NUDT5: variants seen among roughly 807,000 people sequenced by gnomAD.
NUDT5 encodes the protein nudix hydrolase 5, also known as ADP-sugar pyrophosphatase.
In NUDT5, 21 loss-of-function variants were observed where a neutral mutation model predicts 34.1. The ratio of observed to expected loss-of-function variants is 0.62; its 90% CI spans 0.44 to 0.89. NUDT5 has a LOEUF of 0.89. Ranked by LOEUF, NUDT5 falls within the 40% of genes least tolerant of loss-of-function variation. The pLI, the probability that NUDT5 is intolerant of heterozygous loss-of-function variation, is 0.00. For missense variants in NUDT5, 249 were observed against 274.8 expected (o/e 0.91, Z 0.66); for synonymous variants, 85 against 97.6 (o/e 0.87, Z 0.76).
At position 12,178,670 on chromosome 10, in the gene NUDT5, A is replaced by G. The variant is rs190806703; in HGVS notation, c.181+413T>C. On this transcript the variant is annotated intron_variant, in intron 4 of 9. Coordinates refer to ENST00000491614, the MANE Select transcript of NUDT5 (RefSeq NM_014142.4). ...GGGTGAATGGAATAGGCTTTGCCCA[A>G]TTAATTCCGTGTCCTCATCAACCTG... Among the ~76,000 whole-genome samples the G allele has an allele frequency of 1.2e-3, 184 of 152,332 alleles. 1 individual carries two copies. The highest frequency in any genetic ancestry group is 4.0e-3 in the African/African-American group (166 of 41,586).
chr10:12,178,042 T>C (rs1243580222), intron 4 of NUDT5, 142 bp from the exon 5 acceptor site: 1 of 587,052 alleles, frequency 1.7e-6, no homozygotes, highest in Non-Finnish European at 3.0e-6. Context: ...TATTGGAAGC[T>C]ATTTTAAAAA....
chr10:12,193,680 T>C (rs982301473), intron 1 of NUDT5, among the ~76,000 whole-genome samples: 2 of 152,216 alleles, frequency 1.3e-5, no homozygotes. Flanking sequence ...TGTAACAAGT[T>C]ACTTAAAACC....
chr10:12,168,658 G>A lies in NUDT5; in HGVS notation c.551-847C>T, dbSNP rs4750180. Among the ~76,000 whole-genome samples, 53,261 of 152,056 alleles carry A rather than the reference G, an allele frequency of 0.35. 9,774 individuals are homozygous for A. The highest frequency in any genetic ancestry group is 0.42 in the East Asian group (2,171 of 5,176). On this transcript the variant is annotated intron_variant, in intron 9 of 9. Coordinates refer to ENST00000491614, the MANE Select transcript of NUDT5 (RefSeq NM_014142.4). The surrounding 1 kb of genome is among the most constrained non-coding windows in gnomAD (Gnocchi z 4.8). ...TTCCTAGCCGCTTGTTTGGGAACAAGCCTGGGGACATTTGCAGGCAGGAAG... is the reference window on the plus strand; with the variant it reads ...TTCCTAGCCGCTTGTTTGGGAACAAACCTGGGGACATTTGCAGGCAGGAAG...
In NUDT5 at chr10:12,167,089, T is replaced by G. The variant is rs1834717909; in HGVS notation, c.*613A>C. 6.0e-6 allele frequency: 1 copy of G among 165,682 alleles called. No individual in the cohort carries two copies. Among genetic ancestry groups the G allele is most frequent in the Non-Finnish European group, 1.3e-5 (1 of 75,912 alleles). The allele number at this position is 165,682 out of a possible 1,614,324, so 10.3% of individuals were successfully genotyped here. ...TTTCATTAGTCTCCTAGCCTTGGTG[T>G]AGTGAATGGAGTCAACCGTTTTCCT... On this transcript the variant is annotated 3_prime_UTR_variant, in exon 10 of 10. Transcript: ENST00000491614.
intron 1 of NUDT5, among the ~76,000 whole-genome samples, chr10:12,190,585 C>A (rs1171191615): frequency 1.3e-5 from 2 of 149,256 alleles, no homozygotes; most frequent in Non-Finnish European, 3.0e-5. Context: ...CCTTGGGAGG[C>A]AGTGAGGAAA....
intron 1 of NUDT5, among the ~76,000 whole-genome samples, chr10:12,194,619 C>A (rs2131723166): frequency 6.6e-6 from 1 of 152,282 alleles, no homozygotes; most frequent in Middle Eastern, 3.4e-3. Flanking sequence ...TTGAGAAAAA[C>A]AAAACACAAC....
In NUDT5 at chr10:12,170,634, T is replaced by C; in HGVS notation, c.550+83A>G. The C allele has an allele frequency of 8.1e-7, 1 of 1,242,172 alleles. No homozygotes were observed. Among genetic ancestry groups the C allele is most frequent in the Non-Finnish European group, 1.2e-6 (1 of 845,168 alleles). 76.9% of individuals were successfully genotyped at this position (1,242,172 alleles called of 1,614,324 possible). ...TAGTGATACAAAAAAGATAAAGAAA[T>C]GGAGTTATATTTAGTACCCAGTTTG... On this transcript the variant is annotated intron_variant, in intron 9 of 9. Coordinates refer to ENST00000491614, the MANE Select transcript of NUDT5 (RefSeq NM_014142.4). The surrounding 1 kb of genome is among the most constrained non-coding windows in gnomAD (Gnocchi z 4.9).
intron 1 of NUDT5, among the ~76,000 whole-genome samples, chr10:12,191,558 T>A (rs911524860): frequency 6.6e-6 from 1 of 152,150 alleles, no homozygotes; most frequent in African/African-American, 2.4e-5. Flanking sequence ...CAAAGCTAAC[T>A]GGCATGGCAC....
chr10:12,167,627 T>G lies in NUDT5; in HGVS notation c.*75A>C, dbSNP rs373208986. On this transcript the variant is annotated 3_prime_UTR_variant, in exon 10 of 10. Coordinates refer to ENST00000491614, the MANE Select transcript of NUDT5 (RefSeq NM_014142.4). ...AGCTAATGGCAAATCTACATTAAACTAAGTTGAATACAAAGTCTTAGTGAA... is the reference window on the plus strand; with the variant it reads ...AGCTAATGGCAAATCTACATTAAACGAAGTTGAATACAAAGTCTTAGTGAA... 1 of 1,397,018 alleles carries G rather than the reference T, an allele frequency of 7.2e-7. No homozygotes were observed. The highest frequency in any genetic ancestry group is 1.4e-5 in the African/African-American group (1 of 70,004). 86.5% of individuals were successfully genotyped at this position (1,397,018 alleles called of 1,614,324 possible). A position where few individuals can be genotyped will look rare whatever the true frequency, so the allele number is the denominator to read the frequency against.
At chr10:12,183,044 CAT>C (rs531794987) in intron 3 of NUDT5, among the ~76,000 whole-genome samples, 146 of 152,286 alleles carry the variant, frequency 9.6e-4, no homozygotes, top group African/African-American at 3.5e-3. Context: ...GCCTCAAACA[CAT>C]GTTTAGACTC....
In NUDT5 at chr10:12,173,555, C is replaced by T. The variant is rs956237011; in HGVS notation, c.385+163G>A. ...CCCCCAACTTCAGGCCCTTCTGGCT[C>T]CAGTTTCCTCCTGGGAGGGGAGATT... On this transcript the variant is annotated intron_variant, in intron 6 of 9. Coordinates refer to ENST00000491614, the MANE Select transcript of NUDT5 (RefSeq NM_014142.4). The surrounding 1 kb of genome is among the most constrained non-coding windows in gnomAD (Gnocchi z 4.7). 1.3e-5 allele frequency among the ~76,000 whole-genome samples: 2 copies of T among 152,176 alleles called. No homozygotes were observed. The highest frequency in any genetic ancestry group is 2.4e-5 in the African/African-American group (1 of 41,450).
rs1234527318 is a variant in NUDT5, at chr10:12,167,767, A to C, written c.595T>G (p.Ser199Ala). The C allele has an allele frequency of 6.2e-7, 1 of 1,614,238 alleles. No individual in the cohort carries two copies. Among genetic ancestry groups the C allele is most frequent in the Non-Finnish European group, 8.5e-7 (1 of 1,180,040 alleles). The change falls in exon 10 of 10, where the codon TCC (serine) becomes GCC (alanine). Residue 199 changes from serine to alanine, a missense_variant. Coordinates refer to ENST00000491614, the MANE Select transcript of NUDT5 (RefSeq NM_014142.4). The part of the protein sequence containing the change: ...EHLTVDARVY[S>A]YALALKHANA... ...GCATGTTTCAGTGCTAGAGCGTAGG[A>C]ATAGACCCTGGCGTCCACTGTGAGA...
At chr10:12,172,639 G>C (rs1303744759) in intron 7 of NUDT5, 126 bp downstream of exon 7, 1 of 660,628 alleles carries the variant, frequency 1.5e-6, no homozygotes, top group Non-Finnish European at 2.8e-6. Context: ...GAATACTGAT[G>C]AAGTCTATTT....
In NUDT5 at chr10:12,177,861, T is replaced by C. The variant is rs1834980789; in HGVS notation, c.221A>G (p.Tyr74Cys). ...VIPVLQRTLH[Y>C]ECIVLVKQFR... Reference sequence around the variant, plus strand: ...CTGTTTCACCAGAACGATACACTCATAGTGAAGTGTTCTCTGCAGCACGGG... The same window carrying C: ...CTGTTTCACCAGAACGATACACTCACAGTGAAGTGTTCTCTGCAGCACGGG... The change falls in exon 5 of 10, where the codon TAT becomes TGT. Residue 74 changes from tyrosine to cysteine, a missense_variant. Transcript: ENST00000491614. 1.9e-6 allele frequency: 3 copies of C among 1,614,118 alleles called. No individual in the cohort carries two copies. The highest frequency in any genetic ancestry group is 2.5e-6 in the Non-Finnish European group (3 of 1,179,994).
At chr10:12,189,337 C>T (rs1835183737) in intron 1 of NUDT5, among the ~76,000 whole-genome samples, 1 of 152,104 alleles carries the variant, frequency 6.6e-6, no homozygotes, top group African/African-American at 2.4e-5. Flanking sequence ...AACTCCTGAC[C>T]TCAGGTGATC....
At position 12,171,071 on chromosome 10, in the gene NUDT5, T is replaced by C. The variant is rs985437903; in HGVS notation, c.488-163A>G. Among the ~76,000 whole-genome samples the C allele has an allele frequency of 2.0e-5, 3 of 152,228 alleles. No individual in the cohort carries two copies. Among genetic ancestry groups the C allele is most frequent in the Non-Finnish European group, 4.4e-5 (3 of 68,042 alleles). ...GTCAAACTCGAGCAGTATGAAGTTA[T>C]TGTTCTCCACATAATGTTAAGTAGC... is the stretch of plus-strand genomic sequence containing the variant. On this transcript the variant is annotated intron_variant, in intron 7 of 9. Transcript: ENST00000491614. This position sits in a 1 kb window ranked among gnomAD's most constrained non-coding sequence, Gnocchi z 4.2.
intron 3 of NUDT5, among the ~76,000 whole-genome samples, chr10:12,183,615 C>T (rs1172991151): frequency 6.6e-6 from 1 of 152,174 alleles, no homozygotes; most frequent in Admixed American, 6.5e-5. Flanking sequence ...TTCTGTTGTA[C>T]TCCATTTAAA....
intron 5 of NUDT5, among the ~76,000 whole-genome samples, chr10:12,174,565 C>G (rs1834919088): frequency 6.6e-6 from 1 of 152,240 alleles, no homozygotes; most frequent in Non-Finnish European, 1.5e-5. Context: ...GCATGAGCCA[C>G]TGTGCCCAGC....
intron 7 of NUDT5, 36 bp downstream of exon 7, chr10:12,172,729 A>C: frequency 1.4e-6 from 2 of 1,453,544 alleles, no homozygotes; most frequent in Non-Finnish European, 1.9e-6. Context: ...ACGTAATGCA[A>C]CCACACCACC....
Sources: gnomAD v4.1 joint callset for allele counts (sites outside exome capture counted in the v4.1 genomes callset) on GRCh38, gnomAD v4.1.1 for gene constraint, Gnocchi (gnomAD v3.1) non-coding constraint, MANE v1.5 for transcripts, NCBI Gene and HGNC (gene_info 2026-07-23, HGNC 2026-07-21) for gene names.